The following RBM39 variants were observed in gnomAD, a reference collection of about 807,000 sequenced individuals.
RBM39 encodes RNA binding motif protein 39, also known as RNA-binding protein 39.
Under a neutral mutation model 79.6 loss-of-function variants are expected in RBM39, and 12 were observed. That is an observed-to-expected ratio of 0.15 (90% CI 0.10 to 0.24). The LOEUF (loss-of-function observed/expected upper bound fraction) is 0.24. Among genes scored for constraint, RBM39 ranks in the 10% least tolerant of loss-of-function variants. RBM39 has a pLI of 1.00. For synonymous variants in RBM39, 185 were observed against 208.4 expected (o/e 0.89, Z 0.97); for missense variants, 243 against 653.4 (o/e 0.37, Z 6.85).
intron 4 of RBM39, 174 bp from the exon 5 acceptor site, chr20:35,729,701 G>T (rs532671602): frequency 3.1e-6 from 2 of 638,422 alleles, no homozygotes; most frequent in South Asian, 4.1e-5. Context: ...AGCTGCCCTT[G>T]TATTTATCCA....
At position 35,707,213 on chromosome 20, in the gene RBM39, A is replaced by G. The variant is rs1568986587; in HGVS notation, c.1226-12T>C. 1.3e-6 allele frequency: 2 copies of G among 1,592,352 alleles called. No homozygotes were observed. The highest frequency in any genetic ancestry group is 1.7e-6 in the Non-Finnish European group (2 of 1,164,778). ...AGCTAAAGCTGAAGCTAAAAAAAGAAAGAGAAAAATTAGTTTCATGGAAAA... is the reference window on the plus strand; with the variant it reads ...AGCTAAAGCTGAAGCTAAAAAAAGAGAGAGAAAAATTAGTTTCATGGAAAA... On this transcript the variant is annotated splice_polypyrimidine_tract_variant and intron_variant, in intron 13 of 16. Coordinates refer to ENST00000253363, the MANE Select transcript of RBM39 (RefSeq NM_184234.3).
Position 35,707,100 on chromosome 20 carries a change from G to T in RBM39, c.1307+20C>A. On this transcript the variant is annotated intron_variant, in intron 14 of 16. Transcript: ENST00000253363. ...TTGACGCCTTGATAGGAAATATCAA[G>T]AATAAAGTCCATTACTTACGTTTGA... 3 of 1,307,724 alleles carry T rather than the reference G, an allele frequency of 2.3e-6. No individual in the cohort carries two copies. The highest frequency in any genetic ancestry group is 3.2e-6 in the Non-Finnish European group (3 of 951,746). The allele number at this position is 1,307,724 out of a possible 1,614,324, so 81.0% of individuals were successfully genotyped here. A position where few individuals can be genotyped will look rare whatever the true frequency, so the allele number is the denominator to read the frequency against.
At chr20:35,731,422 G>A (rs2039354074) in intron 4 of RBM39, 1 of 152,764 alleles carries the variant, frequency 6.5e-6, no homozygotes, top group South Asian at 2.0e-4. Flanking sequence ...GCCCAAAAAA[G>A]GATCTTTATC....
intron 13 of RBM39, 48 bp from the exon 14 acceptor site, chr20:35,707,249 T>A: frequency 7.3e-7 from 1 of 1,376,382 alleles, no homozygotes; most frequent in Non-Finnish European, 1.0e-6. Context: ...TGCATGAAAG[T>A]ATCCCTCATA....
chr20:35,711,185 GGAA>G (rs2036361888), intron 12 of RBM39, among the ~76,000 whole-genome samples: 1 of 152,054 alleles, frequency 6.6e-6, no homozygotes, highest in African/African-American at 2.4e-5. Context: ...CCTGAAGGCA[GGAA>G]GAAATCTTTC....
intron 9 of RBM39, among the ~76,000 whole-genome samples, chr20:35,718,251 T>C (rs1021796394): frequency 1.3e-5 from 2 of 150,854 alleles, no homozygotes; most frequent in Non-Finnish European, 2.9e-5. Flanking sequence ...CCACAGAAAG[T>C]CTATGGAAGG....
At position 35,701,846 on chromosome 20, in the gene RBM39, T is replaced by C. The variant is rs960829677; in HGVS notation, c.*2635A>G. The C allele has an allele frequency of 5.3e-5, 8 of 152,120 alleles. No homozygotes were observed. Among genetic ancestry groups the C allele is most frequent in the African/African-American group, 1.9e-4 (8 of 41,422 alleles). 9.4% of individuals were successfully genotyped at this position (152,120 alleles called of 1,614,324 possible). ...CTCTTGACCTCATGATCCACCCGCC[T>C]CCGCCTCCCAGTGTTCACATATACA... On this transcript the variant is annotated 3_prime_UTR_variant, in exon 17 of 17. Transcript: ENST00000253363.
intron 9 of RBM39, among the ~76,000 whole-genome samples, chr20:35,718,946 G>A (rs1452959490): frequency 6.6e-6 from 1 of 151,946 alleles, no homozygotes; most frequent in African/African-American, 2.4e-5. Context: ...TCCAGCCTGG[G>A]TGACAGCGCA....
chr20:35,719,626 G>A (rs1342690222), intron 9 of RBM39, among the ~76,000 whole-genome samples: 3 of 151,916 alleles, frequency 2.0e-5, no homozygotes, highest in African/African-American at 7.3e-5. Context: ...GCAGTGAGCC[G>A]AGACTGCACC....
chr20:35,725,459 C>T (rs919448616), intron 6 of RBM39, among the ~76,000 whole-genome samples: 12 of 152,092 alleles, frequency 7.9e-5, no homozygotes, highest in Non-Finnish European at 1.2e-4. Context: ...CCTAAACTCC[C>T]CCATAGCTAC....
chr20:35,739,025 G>C lies in RBM39; in HGVS notation c.52-8C>G. On this transcript the variant is annotated splice_region_variant and splice_polypyrimidine_tract_variant and intron_variant, in intron 2 of 16. Coordinates refer to ENST00000253363, the MANE Select transcript of RBM39 (RefSeq NM_184234.3). ...GCTCAACTTGTTCTCATCCTAAGCAGGGTTGATAGAAGAACATCATGAGGA... is the reference window on the plus strand; with the variant it reads ...GCTCAACTTGTTCTCATCCTAAGCACGGTTGATAGAAGAACATCATGAGGA... 6.2e-7 allele frequency: 1 copy of C among 1,610,072 alleles called. No individual in the cohort carries two copies. The highest frequency in any genetic ancestry group is 8.5e-7 in the Non-Finnish European group (1 of 1,176,378).
At chr20:35,732,342 G>T in intron 3 of RBM39, 2 of 577,934 alleles carry the variant, frequency 3.5e-6, no homozygotes, top group Non-Finnish European at 3.0e-6. Flanking sequence ...CAGATCACAA[G>T]GTCAGGAGTT....
At chr20:35,709,033 A>T (rs1201203405) in intron 13 of RBM39, 191 bp downstream of exon 13, 3 of 455,470 alleles carry the variant, frequency 6.6e-6, no homozygotes, top group African/African-American at 2.0e-5. Flanking sequence ...GATTTTTTTT[A>T]AGTCCATTAA....
intron 10 of RBM39, among the ~76,000 whole-genome samples, chr20:35,715,890 C>T (rs1021433698): frequency 6.6e-6 from 1 of 152,046 alleles, no homozygotes; most frequent in Non-Finnish European, 1.5e-5. Context: ...CTTCCTCTCC[C>T]TCTCTCCAAG....
intron 13 of RBM39, among the ~76,000 whole-genome samples, chr20:35,708,568 ATCTT>A (rs2036033013): frequency 6.6e-6 from 1 of 150,944 alleles, no homozygotes; most frequent in Admixed American, 6.6e-5. Flanking sequence ...AACATGACAT[ATCTT>A]TCTCATAATC....
intron 10 of RBM39, among the ~76,000 whole-genome samples, chr20:35,715,232 G>C (rs1402392087): frequency 6.6e-6 from 1 of 152,120 alleles, no homozygotes. Flanking sequence ...TCATATACAT[G>C]AGTGGCACCA....
intron 4 of RBM39, among the ~76,000 whole-genome samples, chr20:35,730,153 G>T (rs769717970): frequency 6.6e-6 from 1 of 152,088 alleles, no homozygotes; most frequent in East Asian, 1.9e-4. Flanking sequence ...ATATTCCATC[G>T]TGAACATGTG....
chr20:35,741,096 G>T (rs966927655), intron 1 of RBM39, among the ~76,000 whole-genome samples: 2 of 122,896 alleles, frequency 1.6e-5, no homozygotes, highest in African/African-American at 3.1e-5. Flanking sequence ...GTGCAGTAGC[G>T]CGATCTCGGC....
chr20:35,707,251 T>C, intron 13 of RBM39, 50 bp from the exon 14 acceptor site: 7 of 1,365,582 alleles, frequency 5.1e-6, no homozygotes, highest in Non-Finnish European at 7.3e-6. Flanking sequence ...CATGAAAGTA[T>C]CCCTCATAAA....
Sources: allele counts gnomAD v4.1 joint callset (sites outside exome capture counted in the v4.1 genomes callset), GRCh38; gene constraint gnomAD v4.1.1; transcripts MANE v1.5; gene names NCBI Gene and HGNC (gene_info 2026-07-23, HGNC 2026-07-21).